Variants in C8orf34 observed in about 807,000 individuals in gnomAD.
C8orf34 encodes uncharacterized protein C8orf34.
Under a neutral mutation model 68.3 loss-of-function variants are expected in C8orf34, and 65 were observed. That is an observed-to-expected ratio of 0.95 (90% CI 0.78 to 1.17). C8orf34 has a LOEUF of 1.17. Ranked by LOEUF, C8orf34 falls within the 50% of genes most tolerant of loss-of-function variation. The probability of loss-of-function intolerance (pLI) is 0.00; values close to 1 mark genes in which losing one functional copy is unlikely to be tolerated. For missense variants in C8orf34, 664 were observed against 655.4 expected, an observed-to-expected ratio of 1.01 and a Z score of -0.14; for synonymous variants, 244 against 241.2, an observed-to-expected ratio of 1.01 and a Z score of -0.11.
intron 7 of C8orf34, among the ~76,000 whole-genome samples, chr8:68,598,581 T>G (rs933674526): frequency 1.3e-5 from 2 of 152,114 alleles, no homozygotes; most frequent in Admixed American, 1.3e-4. Flanking sequence ...AAAATAGATT[T>G]CTCTATTATG....
intron 1 of C8orf34, among the ~76,000 whole-genome samples, chr8:68,374,350 A>C (rs1807700078): frequency 6.6e-6 from 1 of 152,128 alleles, no homozygotes; most frequent in South Asian, 2.1e-4. Flanking sequence ...TTAACCCTTC[A>C]TATTCAGCTT....
rs556417690 is a variant in C8orf34, at chr8:68,696,654, A to G, written c.1242-12340A>G. Among the ~76,000 whole-genome samples the G allele has an allele frequency of 9.9e-5, 15 of 152,162 alleles. No individual in the cohort carries two copies. In the South Asian group the frequency reaches 1.7e-3, roughly 17 times the overall value. The stretch of plus-strand genomic sequence containing the variant: ...TATTCTCTTCCATCACCATTTCACA[A>G]GCACTCATCTGTCCCCAAATCATGT... On this transcript the variant is annotated intron_variant, in intron 8 of 13. Coordinates refer to ENST00000518698, the MANE Select transcript of C8orf34 (RefSeq NM_052958.4).
At chr8:68,794,476 A>ATATATAT (rs1563673872) in intron 12 of C8orf34, among the ~76,000 whole-genome samples, 2 of 111,638 alleles carry the variant, frequency 1.8e-5, no homozygotes, top group African/African-American at 9.5e-5. Flanking sequence ...CCAGTATATA[A>ATATATAT]ATATAAATAT....
At chr8:68,467,101 C>A (rs1342377039) in intron 3 of C8orf34, among the ~76,000 whole-genome samples, 2 of 151,878 alleles carry the variant, frequency 1.3e-5, no homozygotes, top group African/African-American at 4.8e-5. Flanking sequence ...ACATAAGGTT[C>A]TCTTCCTTTT....
chr8:68,330,902 A>C, upstream of C8orf34: 1 of 929,144 alleles, frequency 1.1e-6, no homozygotes, highest in Non-Finnish European at 1.5e-6. Flanking sequence ...CCGCCCCCTG[A>C]TTCCTGCTGC....
At position 68,472,130 on chromosome 8, in the gene C8orf34, G is replaced by A. The variant is rs184018559; in HGVS notation, c.736+3310G>A. Among the ~76,000 whole-genome samples, 21 of 152,086 alleles carry A rather than the reference G, an allele frequency of 1.4e-4. No homozygotes were observed. In the East Asian group the frequency reaches 4.1e-3, roughly 29 times the overall value. ...AAACTGTGGCAATCTGCATGATATT[G>A]CTCTCTTGGAAAGGCAGACGTGTTA... On this transcript the variant is annotated intron_variant, in intron 4 of 13. Transcript: ENST00000518698.
chr8:68,668,062 G>A (rs1819893554), intron 8 of C8orf34, among the ~76,000 whole-genome samples: 1 of 151,966 alleles, frequency 6.6e-6, no homozygotes, highest in African/African-American at 2.4e-5. Flanking sequence ...AGAAATTCTA[G>A]AAAATAATAT....
intron 1 of C8orf34, among the ~76,000 whole-genome samples, chr8:68,358,736 C>T (rs954828255): frequency 6.6e-5 from 10 of 150,678 alleles, no homozygotes; most frequent in East Asian, 5.9e-4. Flanking sequence ...GACAGAGTCT[C>T]GCTCTGTCAC....
At chr8:68,677,799 T>C (rs1448224300) in intron 8 of C8orf34, among the ~76,000 whole-genome samples, 2 of 151,954 alleles carry the variant, frequency 1.3e-5, no homozygotes, top group Non-Finnish European at 2.9e-5. Flanking sequence ...AAACAAAAAA[T>C]TGGCAGTTTG....
chr8:68,417,300 A>G (rs1414813595), intron 1 of C8orf34, among the ~76,000 whole-genome samples: 1 of 152,094 alleles, frequency 6.6e-6, no homozygotes, highest in East Asian at 1.9e-4. Flanking sequence ...TCTCCAGGGA[A>G]CTCATTCTAC....
intron 12 of C8orf34, among the ~76,000 whole-genome samples, chr8:68,808,349 T>C (rs1167805324): frequency 1.3e-5 from 2 of 152,172 alleles, no homozygotes; most frequent in Non-Finnish European, 2.9e-5. Context: ...TTTGTTTTCA[T>C]GCAGTAGGAA....
intron 1 of C8orf34, among the ~76,000 whole-genome samples, chr8:68,347,617 G>T (rs1428575326): frequency 1.3e-5 from 2 of 152,030 alleles, no homozygotes; most frequent in Non-Finnish European, 2.9e-5. Context: ...AACCTCACCA[G>T]CATCTGTTGT....
chr8:68,795,150 T>G (rs2129529317), intron 12 of C8orf34, among the ~76,000 whole-genome samples: 1 of 152,290 alleles, frequency 6.6e-6, no homozygotes, highest in South Asian at 2.1e-4. Flanking sequence ...GTTCCCTTTA[T>G]AATTTGTATC....
intron 10 of C8orf34, among the ~76,000 whole-genome samples, chr8:68,771,574 A>G (rs944107975): frequency 6.6e-6 from 1 of 152,192 alleles, no homozygotes; most frequent in African/African-American, 2.4e-5. Context: ...CCCTTACCCC[A>G]AATTTTCCTT....
At chr8:68,373,207 C>A (rs1354072854) in intron 1 of C8orf34, among the ~76,000 whole-genome samples, 1 of 152,132 alleles carries the variant, frequency 6.6e-6, no homozygotes, top group African/African-American at 2.4e-5. Context: ...GTTGGCCAGG[C>A]TGGTCTCGGA....
chr8:68,427,792 A>G (rs1235241836), intron 1 of C8orf34, among the ~76,000 whole-genome samples: 1 of 152,072 alleles, frequency 6.6e-6, no homozygotes, highest in Admixed American at 6.5e-5. Context: ...ACATTGAAAG[A>G]AGCTGGCTGA....
At chr8:68,748,286 G>C (rs36135885) in intron 10 of C8orf34, among the ~76,000 whole-genome samples, 2 of 142,874 alleles carry the variant, frequency 1.4e-5, no homozygotes, top group African/African-American at 2.7e-5. Context: ...AAAAACCCTA[G>C]AAGAAAACCT....
chr8:68,541,959 A>G (rs974792518), intron 7 of C8orf34, among the ~76,000 whole-genome samples: 1 of 152,220 alleles, frequency 6.6e-6, no homozygotes, highest in Non-Finnish European at 1.5e-5. Context: ...GTAAAATGAT[A>G]TATCTGGTTT....
At chr8:68,664,883 T>C (rs1242889850) in intron 8 of C8orf34, among the ~76,000 whole-genome samples, 1 of 152,174 alleles carries the variant, frequency 6.6e-6, no homozygotes, top group Non-Finnish European at 1.5e-5. Flanking sequence ...TGAGAGACAA[T>C]TCATATTTTA....
Sources: gnomAD v4.1 joint callset for allele counts (sites outside exome capture counted in the v4.1 genomes callset) on GRCh38, gnomAD v4.1.1 for gene constraint, MANE v1.5 for transcripts, NCBI Gene and HGNC (gene_info 2026-07-23, HGNC 2026-07-21) for gene names.